Variants in AKR1D1 observed in about 807,000 individuals in gnomAD.
AKR1D1 encodes the protein delta(4)-3-ketosteroid 5-beta-reductase.
A neutral mutation model predicts 42.6 loss-of-function variants in AKR1D1; 32 were observed. That is an observed-to-expected ratio of 0.75 (90% CI 0.57 to 1.01). AKR1D1 has a LOEUF of 1.01. AKR1D1 is among the 50% of genes least tolerant of loss of function. AKR1D1 has a pLI of 0.00. For synonymous variants in AKR1D1, 123 were observed against 135.5 expected (o/e 0.91, Z 0.64); for missense variants, 364 against 402.2 (o/e 0.91, Z 0.81).
intron 4 of AKR1D1, among the ~76,000 whole-genome samples, chr7:138,100,883 TTTAG>T (rs911451232): frequency 2.0e-5 from 3 of 151,726 alleles, no homozygotes; most frequent in Non-Finnish European, 2.9e-5. Context: ...TTTTTGTACT[TTTAG>T]TAGAGACGGG....
chr7:138,099,200 C>T (rs1466156575), intron 4 of AKR1D1, among the ~76,000 whole-genome samples: 1 of 152,140 alleles, frequency 6.6e-6, no homozygotes, highest in Non-Finnish European at 1.5e-5. Context: ...CAGTCACTCC[C>T]GACCTCATTG....
chr7:138,081,756 A>G (rs1462773486), intron 1 of AKR1D1, among the ~76,000 whole-genome samples: 3 of 151,758 alleles, frequency 2.0e-5, no homozygotes, highest in Admixed American at 2.0e-4. Flanking sequence ...CTAATTCTGT[A>G]TTTTTAGTAG....
chr7:138,110,609 C>T (rs1295200503), intron 7 of AKR1D1, among the ~76,000 whole-genome samples: 3 of 151,678 alleles, frequency 2.0e-5, no homozygotes, highest in South Asian at 2.1e-4. Context: ...AAAAATTAGC[C>T]GGGCATGGTC....
At chr7:138,115,437 A>G (rs1286756259) in intron 8 of AKR1D1, among the ~76,000 whole-genome samples, 2 of 152,186 alleles carry the variant, frequency 1.3e-5, no homozygotes, top group African/African-American at 4.8e-5. Context: ...AAAACAAAAC[A>G]AAAAACAAAC....
chr7:138,076,534 G>A lies in AKR1D1; in HGVS notation c.16G>A (p.Ala6Thr), dbSNP rs759406658. Residue 6 changes from alanine (A) to threonine (T), a missense_variant, in exon 1 of 9, where the codon GCA becomes ACA. By Grantham distance (58) the Ala-to-Thr change is moderately conservative. Coordinates refer to ENST00000242375, the MANE Select transcript of AKR1D1 (RefSeq NM_005989.4). ...GTTCTCCACAATGGATCTCAGTGCT[G>A]CAAGTCACCGCATACCTCTAAGTGA... MDLSAASHRIPLSDGN... is the reference protein window; with the variant it reads MDLSATSHRIPLSDGN... 1.9e-6 allele frequency: 3 copies of A among 1,613,282 alleles called. No individual in the cohort carries two copies. Among genetic ancestry groups the A allele is most frequent in the Admixed American group, 1.7e-5 (1 of 59,932 alleles).
chr7:138,114,488 C>T (rs1266633806), intron 8 of AKR1D1, among the ~76,000 whole-genome samples: 2 of 151,566 alleles, frequency 1.3e-5, no homozygotes, highest in South Asian at 2.1e-4. Flanking sequence ...GGAGAAACCC[C>T]GTCTCTACTA....
chr7:138,085,220 C>T (rs1766012300), intron 1 of AKR1D1, among the ~76,000 whole-genome samples: 1 of 151,864 alleles, frequency 6.6e-6, no homozygotes, highest in African/African-American at 2.4e-5. Flanking sequence ...TAAATATAAA[C>T]ATATAAATAA....
intron 7 of AKR1D1, among the ~76,000 whole-genome samples, chr7:138,112,041 A>G (rs1361092097): frequency 6.6e-6 from 1 of 152,140 alleles, no homozygotes; most frequent in African/African-American, 2.4e-5. Flanking sequence ...TTAACTGTGC[A>G]GGATTCTTCT....
intron 1 of AKR1D1, among the ~76,000 whole-genome samples, chr7:138,086,527 C>T (rs1383294227): frequency 3.9e-5 from 6 of 152,262 alleles, no homozygotes; most frequent in Middle Eastern, 3.4e-3. Flanking sequence ...GTTCATTTTT[C>T]GTATCCTCTT....
rs779753811 is a variant in AKR1D1, at chr7:138,091,878, C to A, written c.372C>A (p.Ala124=). ...TTTACATCATTGAAGTACCCATGGCCTTTAAGGTGAGTTCAGATGCCCAAA... is the reference window on the plus strand; with the variant it reads ...TTTACATCATTGAAGTACCCATGGCATTTAAGGTGAGTTCAGATGCCCAAA... ...VDLYIIEVPM[A]FKPGDEIYPR... is the part of the protein sequence containing the mutation. The change falls in exon 3 of 9, where the codon GCC becomes GCA. Residue 124 remains alanine (A), a synonymous_variant. Transcript: ENST00000242375. 1.9e-6 allele frequency: 3 copies of A among 1,610,364 alleles called. No individual in the cohort carries two copies. The highest frequency in any genetic ancestry group is 2.5e-6 in the Non-Finnish European group (3 of 1,176,798).
At chr7:138,102,810 G>A (rs115888637) in intron 4 of AKR1D1, among the ~76,000 whole-genome samples, 2,842 of 152,298 alleles carry the variant, frequency 0.019, 98 homozygotes, top group African/African-American at 0.065. Flanking sequence ...GCAAGAACCC[G>A]TTGTGCAAAC....
rs1288778724 is a variant in AKR1D1 at position 138,084,305 on chromosome 7, C to T, written c.94-4296C>T. On this transcript the variant is annotated intron_variant, in intron 1 of 8. Transcript: ENST00000242375. Reference sequence around the variant, plus strand: ...TGAGACAGGGTCTTGCTCCAACACCCAGGCTGAAGCGCAGTGGCATGATTA... The same window carrying T: ...TGAGACAGGGTCTTGCTCCAACACCTAGGCTGAAGCGCAGTGGCATGATTA... 4.2e-5 allele frequency among the ~76,000 whole-genome samples: 6 copies of T among 142,834 alleles called. No homozygotes were observed. The East Asian group carries it at 1.3e-3, about 30-fold the overall frequency. 93.7% of individuals were successfully genotyped at this position (142,834 alleles called of 152,430 possible).
At chr7:138,080,993 G>C (rs918222754) in intron 1 of AKR1D1, among the ~76,000 whole-genome samples, 10 of 152,108 alleles carry the variant, frequency 6.6e-5, no homozygotes, top group Non-Finnish European at 1.5e-4. Context: ...AGCCGTAATT[G>C]AGCTCAACAA....
At chr7:138,111,892 T>C (rs1383121930) in intron 7 of AKR1D1, among the ~76,000 whole-genome samples, 5 of 152,298 alleles carry the variant, frequency 3.3e-5, no homozygotes, top group Admixed American at 6.5e-5. Context: ...CATCCTCTAT[T>C]TCACAAAAGT....
intron 1 of AKR1D1, 79 bp downstream of exon 1, chr7:138,076,690 T>C: frequency 8.4e-7 from 1 of 1,194,348 alleles, no homozygotes; most frequent in Non-Finnish European, 1.2e-6. Flanking sequence ...CAATTTATTT[T>C]AAGCAGATCT....
chr7:138,081,593 G>C (rs1489181333), intron 1 of AKR1D1, among the ~76,000 whole-genome samples: 1 of 123,628 alleles, frequency 8.1e-6, no homozygotes, highest in South Asian at 2.6e-4. Context: ...TGGCACGATC[G>C]ATCTCGGCTC....
intron 8 of AKR1D1, among the ~76,000 whole-genome samples, chr7:138,116,291 G>A (rs948736752): frequency 7.2e-5 from 11 of 152,160 alleles, no homozygotes; most frequent in Non-Finnish European, 4.4e-5. Context: ...AGCGTCAAGG[G>A]AACAGAAAGG....
At chr7:138,081,060 T>C (rs1444488391) in intron 1 of AKR1D1, among the ~76,000 whole-genome samples, 1 of 152,218 alleles carries the variant, frequency 6.6e-6, no homozygotes, top group Non-Finnish European at 1.5e-5. Flanking sequence ...GAGTGTTCTC[T>C]GGGCCCTGCT....
At chr7:138,106,744 C>T (rs1794442604) in intron 6 of AKR1D1, 27 bp downstream of exon 6, 3 of 1,545,662 alleles carry the variant, frequency 1.9e-6, no homozygotes, top group African/African-American at 2.7e-5. Flanking sequence ...GAAGCATTTC[C>T]TTTGGTGTAG....
Sources: allele counts gnomAD v4.1 joint callset (sites outside exome capture counted in the v4.1 genomes callset), GRCh38; gene constraint gnomAD v4.1.1; transcripts MANE v1.5; gene names NCBI Gene and HGNC (gene_info 2026-07-23, HGNC 2026-07-21).